PDE1A: variants seen among roughly 807,000 people sequenced by gnomAD.
The protein encoded by PDE1A is phosphodiesterase 1A.
Under a neutral mutation model 61.7 loss-of-function variants are expected in PDE1A, and 35 were observed. That is an observed-to-expected ratio of 0.57 (90% CI 0.43 to 0.75). The LOEUF (loss-of-function observed/expected upper bound fraction) is 0.75, where lower values mean the gene tolerates loss of function less well. PDE1A is among the 30% of genes least tolerant of loss of function. PDE1A has a pLI of 0.00. For synonymous variants in PDE1A, 232 were observed against 213.2 expected, an observed-to-expected ratio of 1.09 and a Z score of -0.77; for missense variants, 597 against 630.6, an observed-to-expected ratio of 0.95 and a Z score of 0.57.
At chr2:182,522,201 C>T (rs1690609766) in intron 2 of PDE1A, 12 of 1,238,096 alleles carry the variant, frequency 9.7e-6, no homozygotes, top group South Asian at 3.7e-5. Flanking sequence ...CCCACAAAGG[C>T]GGATAGCACC....
chr2:182,696,417 T>C, the PDE1A span, among the ~76,000 whole-genome samples: 1 of 152,030 alleles, frequency 6.6e-6, no homozygotes, highest in Non-Finnish European at 1.5e-5. Context: ...AAGGCAAAAC[T>C]ATGGAGATAG....
the PDE1A span, among the ~76,000 whole-genome samples, chr2:182,564,151 G>A: frequency 2.0e-5 from 3 of 151,652 alleles, no homozygotes; most frequent in Admixed American, 6.6e-5. Context: ...TCCTAGCCTC[G>A]ATGGTCTTTA....
At chr2:182,217,531 C>A (rs1318953897) in intron 7 of PDE1A, among the ~76,000 whole-genome samples, 1 of 146,352 alleles carries the variant, frequency 6.8e-6, no homozygotes, top group Admixed American at 6.9e-5. Flanking sequence ...TGACAAAGGG[C>A]TAATATCCAG....
intron 1 of PDE1A, among the ~76,000 whole-genome samples, chr2:182,271,085 G>A (rs1439270627): frequency 6.7e-6 from 1 of 149,996 alleles, no homozygotes; most frequent in African/African-American, 2.5e-5. Flanking sequence ...AAACAAACGG[G>A]ATCAATGGCA....
At chr2:182,296,347 C>T (rs1694884130) in intron 1 of PDE1A, among the ~76,000 whole-genome samples, 1 of 152,146 alleles carries the variant, frequency 6.6e-6, no homozygotes, top group Non-Finnish European at 1.5e-5. Flanking sequence ...TCAAGGCACA[C>T]ATTTGCCTAC....
At chr2:182,651,078 C>G in the PDE1A span, among the ~76,000 whole-genome samples, 1 of 152,158 alleles carries the variant, frequency 6.6e-6, no homozygotes, top group African/African-American at 2.4e-5. Context: ...ATGATCTTTA[C>G]TCACTGCAAC....
At chr2:182,319,141 C>A (rs1206676650) in intron 1 of PDE1A, among the ~76,000 whole-genome samples, 1 of 152,062 alleles carries the variant, frequency 6.6e-6, no homozygotes, top group Non-Finnish European at 1.5e-5. Flanking sequence ...TGCCCCTTAT[C>A]TCAGGATAAG....
At chr2:182,654,953 C>A in the PDE1A span, among the ~76,000 whole-genome samples, 1 of 152,150 alleles carries the variant, frequency 6.6e-6, no homozygotes, top group African/African-American at 2.4e-5. Flanking sequence ...CCTGGTTATT[C>A]ATCTGGCCTT....
intron 4 of PDE1A, among the ~76,000 whole-genome samples, chr2:182,231,799 C>T (rs1288642052): frequency 6.6e-6 from 1 of 151,974 alleles, no homozygotes; most frequent in Non-Finnish European, 1.5e-5. Flanking sequence ...CCTGTAATCC[C>T]AGCTAATCAG....
intron 1 of PDE1A, among the ~76,000 whole-genome samples, chr2:182,302,045 T>A (rs1374651878): frequency 2.0e-5 from 3 of 152,218 alleles, no homozygotes; most frequent in Non-Finnish European, 2.9e-5. Context: ...TGTAATCTCT[T>A]GCCACCTAGA....
At chr2:182,426,851 C>T (rs1574631898) in exon 1 of PDE1A, 1 of 1,364,952 alleles carries the variant, frequency 7.3e-7, no homozygotes, top group African/African-American at 1.5e-5. Flanking sequence ...GGCACTCCCC[C>T]ACAGAGCAGG....
At chr2:182,569,726 G>A in the PDE1A span, among the ~76,000 whole-genome samples, 1 of 152,342 alleles carries the variant, frequency 6.6e-6, no homozygotes, top group South Asian at 2.1e-4. Flanking sequence ...AATTGAGGGA[G>A]AGATGAGAAT....
At position 182,304,643 on chromosome 2, in the gene PDE1A, T is replaced by C. The variant is rs545144264; in HGVS notation, c.54-40229A>G. ...AGGTTAACTGTCCTAATTTCAATAA[T>C]ATTGTGTCTCAAAGAATAGGAAGGC... On this transcript the variant is annotated intron_variant, in intron 1 of 13. Transcript: ENST00000351439. Among the ~76,000 whole-genome samples the C allele has an allele frequency of 6.8e-4, 103 of 152,246 alleles. 1 individual carries two copies. The highest frequency in any genetic ancestry group is 3.5e-3 in the South Asian group (17 of 4,824).
the PDE1A span, among the ~76,000 whole-genome samples, chr2:182,626,888 T>C: frequency 2.6e-4 from 21 of 81,180 alleles, 2 homozygotes; most frequent in Non-Finnish European, 3.9e-4. Flanking sequence ...TATATACACA[T>C]ATATATATAC....
At chr2:182,278,398 C>T (rs1394999244) in intron 1 of PDE1A, among the ~76,000 whole-genome samples, 1 of 151,992 alleles carries the variant, frequency 6.6e-6, no homozygotes, top group South Asian at 2.1e-4. Context: ...AGGTATTTAA[C>T]CATAAACACT....
At chr2:182,641,350 A>G in the PDE1A span, among the ~76,000 whole-genome samples, 2 of 152,194 alleles carry the variant, frequency 1.3e-5, no homozygotes, top group African/African-American at 2.4e-5. Context: ...AATATTTTCA[A>G]TCATTAAAAA....
At chr2:182,502,079 C>T (rs1689113625) in intron 2 of PDE1A, among the ~76,000 whole-genome samples, 1 of 152,190 alleles carries the variant, frequency 6.6e-6, no homozygotes, top group Non-Finnish European at 1.5e-5. Flanking sequence ...AGCCACACTC[C>T]TCTCAGGTGA....
At chr2:182,184,326 C>T (rs1303320313) in intron 13 of PDE1A, among the ~76,000 whole-genome samples, 7 of 149,078 alleles carry the variant, frequency 4.7e-5, no homozygotes, top group Admixed American at 2.7e-4. Flanking sequence ...GTCTAGAAAA[C>T]AGAAAGAAAA....
At chr2:182,452,945 T>C (rs149520582) in intron 2 of PDE1A, among the ~76,000 whole-genome samples, 1,878 of 152,212 alleles carry the variant, frequency 0.012, 24 homozygotes, top group South Asian at 0.042. Context: ...AAAGAACAGA[T>C]GGTGACTGCA....
Sources: allele counts gnomAD v4.1 joint callset (sites outside exome capture counted in the v4.1 genomes callset), GRCh38; gene constraint gnomAD v4.1.1; transcripts MANE v1.5; gene names NCBI Gene and HGNC (gene_info 2026-07-23, HGNC 2026-07-21).